Variants in GALNT17 observed in about 807,000 individuals in gnomAD.
GALNT17 encodes UDP-GalNAc:polypeptide N-acetylgalactosaminyltransferase-like 3.
GALNT17 carries 29 observed loss-of-function variants against 63.7 expected under a neutral mutation model. That is an observed-to-expected ratio of 0.46 (90% confidence interval 0.34 to 0.62). GALNT17 has a LOEUF of 0.62. Ranked by LOEUF, GALNT17 falls within the 20% of genes least tolerant of loss-of-function variation. GALNT17 has a pLI of 0.01. For missense variants in GALNT17, 603 were observed against 799.6 expected (o/e 0.75, Z 2.97); for synonymous variants, 305 against 318.3 (o/e 0.96, Z 0.45).
intron 1 of GALNT17, among the ~76,000 whole-genome samples, chr7:71,185,920 C>T (rs1788843199): frequency 6.6e-6 from 1 of 152,216 alleles, no homozygotes; most frequent in South Asian, 2.1e-4. Context: ...GAAGCACAAG[C>T]TGTGTCTCAC....
intron 9 of GALNT17, among the ~76,000 whole-genome samples, chr7:71,697,653 A>C (rs1791564787): frequency 6.6e-6 from 1 of 152,236 alleles, no homozygotes; most frequent in Non-Finnish European, 1.5e-5. Flanking sequence ...CCAAAATGAT[A>C]GATTTCACAG....
intron 1 of GALNT17, among the ~76,000 whole-genome samples, chr7:71,325,251 A>G (rs577746826): frequency 9.5e-4 from 144 of 152,326 alleles, no homozygotes; most frequent in African/African-American, 3.1e-3. Context: ...ATGATCTAGC[A>G]TAAGGTAGGA....
intron 9 of GALNT17, among the ~76,000 whole-genome samples, chr7:71,690,303 C>T (rs1017699561): frequency 2.0e-5 from 3 of 151,500 alleles, no homozygotes; most frequent in Non-Finnish European, 2.9e-5. Context: ...GGATTACAGG[C>T]GTGAGCCACA....
chr7:71,146,007 G>T (rs1005806318), intron 1 of GALNT17, among the ~76,000 whole-genome samples: 2 of 152,008 alleles, frequency 1.3e-5, no homozygotes, highest in African/African-American at 4.8e-5. Context: ...TACGGGGCCC[G>T]TATGGGTTTT....
intron 3 of GALNT17, among the ~76,000 whole-genome samples, chr7:71,404,633 A>G (rs759102194): frequency 7.2e-5 from 11 of 152,200 alleles, no homozygotes; most frequent in Non-Finnish European, 1.6e-4. Context: ...CAAGCCCAGG[A>G]TTTCAGAGAC....
intron 2 of GALNT17, among the ~76,000 whole-genome samples, chr7:71,381,000 A>G (rs1792835856): frequency 6.7e-6 from 1 of 149,944 alleles, no homozygotes; most frequent in South Asian, 2.1e-4. Context: ...TCGCTCCGTC[A>G]CCCAGGCTGG....
At chr7:71,578,477 G>A (rs183252812) in intron 6 of GALNT17, among the ~76,000 whole-genome samples, 3 of 152,008 alleles carry the variant, frequency 2.0e-5, no homozygotes, top group African/African-American at 7.2e-5. Context: ...GGGACTGCAG[G>A]TGCACACCAC....
chr7:71,346,146 C>T (rs1456604132), intron 2 of GALNT17, among the ~76,000 whole-genome samples: 1 of 151,518 alleles, frequency 6.6e-6, no homozygotes, highest in Non-Finnish European at 1.5e-5. Context: ...GAGCTATGAT[C>T]GTGCCACTGC....
chr7:71,403,100 A>G (rs1487937668), intron 3 of GALNT17, among the ~76,000 whole-genome samples: 1 of 152,222 alleles, frequency 6.6e-6, no homozygotes, highest in Non-Finnish European at 1.5e-5. Context: ...GGAAAGAATG[A>G]GAGTGTGTAT....
At chr7:71,454,128 A>G (rs182578436) in intron 5 of GALNT17, among the ~76,000 whole-genome samples, 1 of 152,168 alleles carries the variant, frequency 6.6e-6, no homozygotes, top group Non-Finnish European at 1.5e-5. Context: ...GTTCCAGGGT[A>G]CATGTGCAGG....
chr7:71,256,953 A>G (rs12666964), intron 1 of GALNT17, among the ~76,000 whole-genome samples: 17,366 of 152,086 alleles, frequency 0.11, 1,184 homozygotes, highest in South Asian at 0.21. Flanking sequence ...CAGGAGAGGG[A>G]AGAGTTTTTC....
chr7:71,518,971 T>C (rs1009209946), intron 5 of GALNT17, among the ~76,000 whole-genome samples: 4 of 152,188 alleles, frequency 2.6e-5, no homozygotes, highest in Non-Finnish European at 5.9e-5. Context: ...CGTCATTTCT[T>C]CCTTCCAGAA....
At chr7:71,425,984 G>A (rs1315293438) in intron 5 of GALNT17, among the ~76,000 whole-genome samples, 2 of 152,152 alleles carry the variant, frequency 1.3e-5, no homozygotes, top group African/African-American at 4.8e-5. Context: ...GGAGGAAGAA[G>A]AGAGAAGGAG....
rs545428918 is a variant in GALNT17 at position 71,587,662 on chromosome 7, T to C, written c.1080+16260T>C. Among the ~76,000 whole-genome samples, 37 of 152,224 alleles carry C rather than the reference T, an allele frequency of 2.4e-4. 1 individual carries two copies. The South Asian group carries it at 7.7e-3, about 32-fold the overall frequency. ...GATCATAAAGGCCCTGCTGAAAACA[T>C]AAGAGAGTATCTTGCTGTGGGTAAT... On this transcript the variant is annotated intron_variant, in intron 6 of 10. Coordinates refer to ENST00000333538, the MANE Select transcript of GALNT17 (RefSeq NM_022479.3).
At chr7:71,711,744 C>A (rs1791796073) in intron 10 of GALNT17, among the ~76,000 whole-genome samples, 1 of 149,578 alleles carries the variant, frequency 6.7e-6, no homozygotes, top group African/African-American at 2.5e-5. Context: ...TCCTCCCTTT[C>A]TTTGTCTTCT....
At chr7:71,418,390 G>C (rs1440979279) in intron 4 of GALNT17, among the ~76,000 whole-genome samples, 4 of 152,124 alleles carry the variant, frequency 2.6e-5, no homozygotes, top group Admixed American at 6.5e-5. Flanking sequence ...TGCAATAAAA[G>C]TCTCCAGTCA....
chr7:71,265,497 A>G (rs1170079010), intron 1 of GALNT17, among the ~76,000 whole-genome samples: 1 of 152,174 alleles, frequency 6.6e-6, no homozygotes, highest in Non-Finnish European at 1.5e-5. Flanking sequence ...TGTTGATACC[A>G]CATAATGATA....
intron 1 of GALNT17, among the ~76,000 whole-genome samples, chr7:71,173,492 A>G (rs1230900842): frequency 2.6e-5 from 4 of 152,154 alleles, no homozygotes; most frequent in South Asian, 2.1e-4. Context: ...AAGCCACTCA[A>G]TGGTCGGGTG....
intron 3 of GALNT17, among the ~76,000 whole-genome samples, chr7:71,412,115 C>T (rs917324204): frequency 6.6e-6 from 1 of 152,124 alleles, no homozygotes; most frequent in East Asian, 1.9e-4. Context: ...GCCCTTCTTC[C>T]TTCTACATTC....
Sources: gnomAD v4.1 joint callset for allele counts (sites outside exome capture counted in the v4.1 genomes callset) on GRCh38, gnomAD v4.1.1 for gene constraint, MANE v1.5 for transcripts, NCBI Gene and HGNC (gene_info 2026-07-23, HGNC 2026-07-21) for gene names.